The following PABPC4L variants were observed in gnomAD, a reference collection of about 807,000 sequenced individuals.
The protein encoded by PABPC4L is poly(A) binding protein cytoplasmic 4 like.
For missense variants in PABPC4L, 452 were observed against 451.4 expected (o/e 1.00, Z -0.01); for synonymous variants, 169 against 164.1 (o/e 1.03, Z -0.23).
chr4:134,201,091 C>A lies in PABPC4L; in HGVS notation c.-72G>T. ...CAATCCCTGTGGGGGGATACTAGGT[C>A]ACAGCTTTGGCCCGGTTCAAGTGTG... On this transcript the variant is annotated 5_prime_UTR_variant, in exon 2 of 2. Coordinates refer to ENST00000421491, the MANE Select transcript of PABPC4L (RefSeq NM_001114734.2). 6.4e-7 allele frequency: 1 copy of A among 1,551,048 alleles called. No individual in the cohort carries two copies. The highest frequency in any genetic ancestry group is 1.2e-5 in the South Asian group (1 of 83,618).
At chr4:134,128,856 G>C in the PABPC4L span, among the ~76,000 whole-genome samples, 1 of 152,052 alleles carries the variant, frequency 6.6e-6, no homozygotes, top group African/African-American at 2.4e-5. Flanking sequence ...TGGCCTAAAT[G>C]CTTCACTTAA....
the PABPC4L span, among the ~76,000 whole-genome samples, chr4:133,989,020 T>G: frequency 6.6e-6 from 1 of 152,068 alleles, no homozygotes; most frequent in Non-Finnish European, 1.5e-5. Flanking sequence ...CTTTTACCCA[T>G]GGATGGACCT....
chr4:134,085,001 A>T, the PABPC4L span, among the ~76,000 whole-genome samples: 1 of 152,060 alleles, frequency 6.6e-6, no homozygotes, highest in Non-Finnish European at 1.5e-5. Flanking sequence ...ATTGAATACC[A>T]AGTCCCCACA....
At chr4:134,048,560 C>T in the PABPC4L span, among the ~76,000 whole-genome samples, 1 of 152,072 alleles carries the variant, frequency 6.6e-6, no homozygotes, top group South Asian at 2.1e-4. Context: ...TACTTAATAG[C>T]TTTGTGTGTC....
the PABPC4L span, among the ~76,000 whole-genome samples, chr4:134,129,806 C>T: frequency 6.6e-6 from 1 of 151,954 alleles, no homozygotes; most frequent in Non-Finnish European, 1.5e-5. Context: ...CAGTGGCTCA[C>T]ACCTGTAATC....
chr4:134,042,922 A>G, the PABPC4L span, among the ~76,000 whole-genome samples: 1 of 152,124 alleles, frequency 6.6e-6, no homozygotes, highest in Non-Finnish European at 1.5e-5. Context: ...CATTAAAATA[A>G]AAAGCTTAGA....
chr4:134,028,060 G>C, the PABPC4L span, among the ~76,000 whole-genome samples: 1 of 150,836 alleles, frequency 6.6e-6, no homozygotes. Flanking sequence ...TCAAAGTGCT[G>C]TCACCAGACC....
the PABPC4L span, among the ~76,000 whole-genome samples, chr4:134,113,971 A>G: frequency 6.6e-6 from 1 of 151,944 alleles, no homozygotes; most frequent in African/African-American, 2.4e-5. Flanking sequence ...GAAGTCACAA[A>G]TATTTAAATC....
chr4:134,132,248 A>G, the PABPC4L span, among the ~76,000 whole-genome samples: 2 of 152,116 alleles, frequency 1.3e-5, no homozygotes, highest in East Asian at 3.8e-4. Flanking sequence ...TCTACACAAC[A>G]AAAGAAACAA....
chr4:134,139,605 T>C, the PABPC4L span, among the ~76,000 whole-genome samples: 5 of 151,872 alleles, frequency 3.3e-5, no homozygotes. Context: ...TAAAACAAAA[T>C]AGATACATGT....
chr4:134,187,457 A>G, the PABPC4L span, among the ~76,000 whole-genome samples: 5 of 148,958 alleles, frequency 3.4e-5, no homozygotes, highest in Admixed American at 3.4e-4. Context: ...AAAGCCAAAC[A>G]CCACATGTTC....
the PABPC4L span, among the ~76,000 whole-genome samples, chr4:134,187,442 G>A: frequency 6.6e-6 from 1 of 150,586 alleles, no homozygotes. Flanking sequence ...GTATCGCAAG[G>A]ACAGAAAGCC....
the PABPC4L span, among the ~76,000 whole-genome samples, chr4:134,107,413 C>T: frequency 6.6e-6 from 1 of 151,456 alleles, no homozygotes; most frequent in Non-Finnish European, 1.5e-5. Flanking sequence ...TGAAATATCA[C>T]TGTTTAATTT....
the PABPC4L span, among the ~76,000 whole-genome samples, chr4:133,982,544 A>G: frequency 6.6e-6 from 1 of 152,026 alleles, no homozygotes; most frequent in Non-Finnish European, 1.5e-5. Context: ...CAAATTCCTT[A>G]TATAAGAAAT....
At chr4:133,955,498 A>T in the PABPC4L span, among the ~76,000 whole-genome samples, 20 of 152,114 alleles carry the variant, frequency 1.3e-4, no homozygotes, top group Non-Finnish European at 2.6e-4. Context: ...TCTTTTATGA[A>T]TTTGAATATT....
the PABPC4L span, among the ~76,000 whole-genome samples, chr4:134,176,207 A>T: frequency 2.6e-5 from 4 of 152,230 alleles, no homozygotes; most frequent in Non-Finnish European, 4.4e-5. Flanking sequence ...AAGGTATTAA[A>T]TTTTTATTCA....
the PABPC4L span, among the ~76,000 whole-genome samples, chr4:134,065,382 C>A: frequency 2.0e-5 from 3 of 151,834 alleles, no homozygotes; most frequent in East Asian, 5.8e-4. Flanking sequence ...GTTGGCTGTA[C>A]GTATGTCTTC....
At chr4:134,038,316 TC>T in the PABPC4L span, among the ~76,000 whole-genome samples, 1 of 152,134 alleles carries the variant, frequency 6.6e-6, no homozygotes, top group South Asian at 2.1e-4. Context: ...GGTTTTGGTA[TC>T]AGGATGATAC....
chr4:134,106,360 G>C, the PABPC4L span, among the ~76,000 whole-genome samples: 1 of 151,396 alleles, frequency 6.6e-6, no homozygotes, highest in African/African-American at 2.4e-5. Context: ...TATAGAATTA[G>C]TCTAATTAAT....
Sources: gnomAD v4.1 joint callset for allele counts (sites outside exome capture counted in the v4.1 genomes callset) on GRCh38, gnomAD v4.1.1 for gene constraint, MANE v1.5 for transcripts, NCBI Gene and HGNC (gene_info 2026-07-23, HGNC 2026-07-21) for gene names.